The following ATP8A2 variants were observed in gnomAD, a reference collection of about 807,000 sequenced individuals.
The protein encoded by ATP8A2 is ATPase phospholipid transporting 8A2.
ATP8A2 carries 100 observed loss-of-function variants against 165.6 expected under a neutral mutation model. The ratio of observed to expected loss-of-function variants is 0.60; its 90% CI spans 0.51 to 0.71. ATP8A2 has a LOEUF of 0.71. Ranked by LOEUF, ATP8A2 falls within the 30% of genes least tolerant of loss-of-function variation. The pLI, the probability that ATP8A2 is intolerant of heterozygous loss-of-function variation, is 0.00. For synonymous variants in ATP8A2, 543 were observed against 548.8 expected (o/e 0.99, Z 0.15); for missense variants, 1,227 against 1,479.5 (o/e 0.83, Z 2.80).
At chr13:25,518,003 G>T (rs1023400286) in intron 2 of ATP8A2, among the ~76,000 whole-genome samples, 1 of 152,242 alleles carries the variant, frequency 6.6e-6, no homozygotes, top group African/African-American at 2.4e-5. Flanking sequence ...GATGTGGAAG[G>T]CCATGGGCTT....
intron 27 of ATP8A2, among the ~76,000 whole-genome samples, chr13:25,775,806 CTT>C (rs1458253360): frequency 1.3e-5 from 2 of 152,110 alleles, no homozygotes; most frequent in African/African-American, 2.4e-5. Flanking sequence ...TTTCTTGACT[CTT>C]AGTAAAAATA....
Position 25,769,066 on chromosome 13 carries a change from C to T in ATP8A2, c.2405C>T (p.Ser802Phe). Residue 802 changes from serine to phenylalanine, a missense_variant, in exon 26 of 37, where the codon TCT becomes TTT. Physicochemically the swap from Ser to Phe is radical, Grantham distance 155. This residue lies in a region of ATP8A2 where 592 missense variants were observed against 785.6 expected (regional missense o/e 0.75). Coordinates refer to ENST00000381655, the MANE Select transcript of ATP8A2 (RefSeq NM_016529.6). ...ICCRVSPLQK[S>F]EIVDVVKKRV... ...CACAGAGTGTCTCCTCTGCAGAAGT[C>T]TGAGATAGTGGATGTGGTGAAGAAG... 6.2e-7 allele frequency: 1 copy of T among 1,614,178 alleles called. No individual in the cohort carries two copies. The highest frequency in any genetic ancestry group is 8.5e-7 in the Non-Finnish European group (1 of 1,180,036).
chr13:25,824,317 T>C (rs1432238079), intron 27 of ATP8A2, among the ~76,000 whole-genome samples: 3 of 152,180 alleles, frequency 2.0e-5, no homozygotes, highest in Non-Finnish European at 4.4e-5. Context: ...GTAGCTTCAG[T>C]TTGTAACAAT....
At chr13:25,377,039 G>A (rs186580573) in intron 1 of ATP8A2, among the ~76,000 whole-genome samples, 78 of 152,314 alleles carry the variant, frequency 5.1e-4, no homozygotes, top group African/African-American at 1.7e-3. Flanking sequence ...CCGTTGTCCA[G>A]TAATTGATTT....
chr13:25,509,635 T>C (rs577734905), intron 2 of ATP8A2, among the ~76,000 whole-genome samples: 1 of 152,300 alleles, frequency 6.6e-6, no homozygotes, highest in East Asian at 1.9e-4. Flanking sequence ...GTTTTCGTAA[T>C]ACTGTATTTT....
intron 25 of ATP8A2, among the ~76,000 whole-genome samples, chr13:25,709,327 A>G (rs559427017): frequency 3.9e-5 from 6 of 152,334 alleles, no homozygotes; most frequent in Admixed American, 6.5e-5. Context: ...ACAAGTGCCA[A>G]GTTAAAACTG....
At chr13:25,657,622 A>G (rs1463436855) in intron 24 of ATP8A2, among the ~76,000 whole-genome samples, 5 of 152,198 alleles carry the variant, frequency 3.3e-5, no homozygotes, top group Non-Finnish European at 7.3e-5. Context: ...CTGCAACCAC[A>G]CTAGTTTGCA....
chr13:25,788,608 C>A (rs2045090283), intron 27 of ATP8A2, among the ~76,000 whole-genome samples: 1 of 152,188 alleles, frequency 6.6e-6, no homozygotes, highest in Non-Finnish European at 1.5e-5. Flanking sequence ...CTCCTGGAAA[C>A]CTTCTGGGGA....
intron 34 of ATP8A2, among the ~76,000 whole-genome samples, chr13:25,966,962 G>A (rs755648206): frequency 1.3e-5 from 2 of 152,164 alleles, no homozygotes; most frequent in Non-Finnish European, 1.5e-5. Flanking sequence ...AAGAACCAGC[G>A]ATGCTGCTCA....
chr13:25,895,592 A>C (rs1046666414), intron 33 of ATP8A2, among the ~76,000 whole-genome samples: 3 of 152,122 alleles, frequency 2.0e-5, no homozygotes, highest in Admixed American at 2.0e-4. Flanking sequence ...TGATTGGAAT[A>C]GTTTCAGAAG....
At chr13:25,468,805 G>T (rs1315403197) in intron 1 of ATP8A2, 172 bp from the exon 2 acceptor site, 6 of 982,676 alleles carry the variant, frequency 6.1e-6, no homozygotes, top group Non-Finnish European at 6.0e-6. Context: ...CTTGGCTGCC[G>T]CGGCACAGGC....
chr13:25,711,690 A>G (rs1310690660), intron 25 of ATP8A2, among the ~76,000 whole-genome samples: 1 of 152,232 alleles, frequency 6.6e-6, no homozygotes, highest in African/African-American at 2.4e-5. Flanking sequence ...CTAGGGTCAC[A>G]AGTCTCTGGC....
intron 1 of ATP8A2, among the ~76,000 whole-genome samples, chr13:25,401,434 A>C (rs539736905): frequency 2.0e-5 from 3 of 152,370 alleles, no homozygotes; most frequent in Non-Finnish European, 4.4e-5. Context: ...CAGCAAGATT[A>C]CTAATAAATG....
intron 35 of ATP8A2, among the ~76,000 whole-genome samples, chr13:26,006,395 G>A (rs565552643): frequency 1.1e-4 from 17 of 152,024 alleles, no homozygotes; most frequent in Admixed American, 3.3e-4. Flanking sequence ...ATTAACTCCC[G>A]TAATTTGAAT....
chr13:25,676,269 G>A (rs1247768872), intron 24 of ATP8A2, among the ~76,000 whole-genome samples: 1 of 152,132 alleles, frequency 6.6e-6, no homozygotes, highest in African/African-American at 2.4e-5. Flanking sequence ...ACAGGCATTT[G>A]GGGAAGAATG....
chr13:25,813,724 A>T (rs1333547077), intron 27 of ATP8A2, among the ~76,000 whole-genome samples: 1 of 152,112 alleles, frequency 6.6e-6, no homozygotes, highest in Non-Finnish European at 1.5e-5. Flanking sequence ...TTACTGAGCC[A>T]TGGGATGCCC....
At chr13:25,622,373 A>G (rs2040992680) in intron 24 of ATP8A2, among the ~76,000 whole-genome samples, 1 of 152,156 alleles carries the variant, frequency 6.6e-6, no homozygotes, top group Non-Finnish European at 1.5e-5. Context: ...GAGAGGAATG[A>G]TGAGGAGCAG....
At chr13:25,944,082 G>A (rs984734792) in intron 33 of ATP8A2, among the ~76,000 whole-genome samples, 1 of 152,234 alleles carries the variant, frequency 6.6e-6, no homozygotes, top group African/African-American at 2.4e-5. Flanking sequence ...GCTAAAAATT[G>A]AAGCTGGACT....
intron 27 of ATP8A2, among the ~76,000 whole-genome samples, chr13:25,810,732 C>T (rs1593382290): frequency 1.3e-5 from 2 of 152,164 alleles, no homozygotes; most frequent in African/African-American, 4.8e-5. Flanking sequence ...GAATGGCTCA[C>T]TGAGAGCAAT....
Sources: allele counts gnomAD v4.1 joint callset (sites outside exome capture counted in the v4.1 genomes callset), GRCh38; gene constraint gnomAD v4.1.1; regional missense constraint gnomAD v4.1.1; transcripts MANE v1.5; gene names NCBI Gene and HGNC (gene_info 2026-07-23, HGNC 2026-07-21).